Variants in RARB observed in about 807,000 individuals in gnomAD.
The protein encoded by RARB is retinoic acid receptor beta.
A neutral mutation model predicts 51.9 loss-of-function variants in RARB; 17 were observed. The observed-to-expected ratio is 0.33, with a 90% CI of 0.22 to 0.49. The LOEUF (loss-of-function observed/expected upper bound fraction) is 0.49. RARB is among the 20% of genes least tolerant of loss of function. The pLI is 0.99. For missense variants in RARB, 369 were observed against 550.8 expected, an observed-to-expected ratio of 0.67 and a Z score of 3.30; for synonymous variants, 215 against 195.4, an observed-to-expected ratio of 1.10 and a Z score of -0.84.
chr3:24,944,925 G>T (rs1695742233), intron 2 of RARB, among the ~76,000 whole-genome samples: 1 of 152,158 alleles, frequency 6.6e-6, no homozygotes, highest in African/African-American at 2.4e-5. Flanking sequence ...TTAAGGGTTT[G>T]GAGGAGCTTA....
chr3:25,192,814 C>T lies in RARB; in HGVS notation c.178+18239C>T, dbSNP rs911300033. Among the ~76,000 whole-genome samples, 10 of 152,074 alleles carry T rather than the reference C, an allele frequency of 6.6e-5. No individual in the cohort carries two copies. In the South Asian group the frequency reaches 1.0e-3, roughly 16 times the overall value. ...ACAAGCATCTTTAGACATGGTCTTA[C>T]TCATAATTGGGAGCAGGTGACTGGC... On this transcript the variant is annotated intron_variant, in intron 5 of 11. Transcript: ENST00000383772.
intron 2 of RARB, chr3:25,024,877 T>G (rs1264204987): frequency 7.3e-6 from 1 of 137,730 alleles, no homozygotes; most frequent in African/African-American, 2.8e-5. Flanking sequence ...CGCTTGAACC[T>G]GGGAGGCAGA....
chr3:25,385,724 C>T (rs1706774424), intron 5 of RARB, among the ~76,000 whole-genome samples: 1 of 152,162 alleles, frequency 6.6e-6, no homozygotes. Flanking sequence ...TACATACCAG[C>T]CTGCCCTACG....
chr3:25,138,445 G>T, intron 4 of RARB, among the ~76,000 whole-genome samples: 1 of 151,880 alleles, frequency 6.6e-6, no homozygotes, highest in Non-Finnish European at 1.5e-5. Context: ...TTGTACCAAG[G>T]TATATAGAGT....
intron 5 of RARB, among the ~76,000 whole-genome samples, chr3:25,309,051 A>G (rs1210919262): frequency 1.3e-5 from 2 of 150,776 alleles, no homozygotes; most frequent in Non-Finnish European, 2.9e-5. Flanking sequence ...CACTTTGTTG[A>G]TCTGTAGAAA....
intron 2 of RARB, among the ~76,000 whole-genome samples, chr3:24,937,245 A>G (rs1437861547): frequency 1.3e-5 from 2 of 152,106 alleles, no homozygotes; most frequent in African/African-American, 4.8e-5. Flanking sequence ...ACACATCTCC[A>G]TTCTCTGCCA....
intron 2 of RARB, among the ~76,000 whole-genome samples, chr3:25,014,331 A>G (rs909343883): frequency 4.6e-5 from 7 of 152,038 alleles, no homozygotes; most frequent in Non-Finnish European, 1.0e-4. Flanking sequence ...AGAGTCTTGG[A>G]AGCTCCTGAA....
At chr3:24,948,922 G>A (rs1695830686) in intron 2 of RARB, among the ~76,000 whole-genome samples, 1 of 152,126 alleles carries the variant, frequency 6.6e-6, no homozygotes, top group South Asian at 2.1e-4. Context: ...ACAGCCTGTA[G>A]AACCATGACA....
intron 5 of RARB, among the ~76,000 whole-genome samples, chr3:25,240,152 A>T (rs1293192235): frequency 6.6e-6 from 1 of 151,710 alleles, no homozygotes; most frequent in East Asian, 1.9e-4. Context: ...TCATTGGTGT[A>T]TAGAAACGCT....
intron 5 of RARB, among the ~76,000 whole-genome samples, chr3:25,240,339 C>T (rs1325104381): frequency 1.3e-5 from 2 of 152,088 alleles, no homozygotes; most frequent in African/African-American, 4.8e-5. Context: ...TACCTGATTG[C>T]TGTGACTAGG....
At chr3:24,888,860 T>C (rs1703317181) in intron 2 of RARB, among the ~76,000 whole-genome samples, 1 of 152,166 alleles carries the variant, frequency 6.6e-6, no homozygotes, top group Non-Finnish European at 1.5e-5. Flanking sequence ...TGCAAAGAGA[T>C]TTTGCCTCAG....
chr3:25,304,200 C>T (rs945075144), intron 5 of RARB, among the ~76,000 whole-genome samples: 2 of 152,214 alleles, frequency 1.3e-5, no homozygotes, highest in South Asian at 4.1e-4. Flanking sequence ...CTTCCGAATC[C>T]CAGCTGTACT....
At chr3:25,568,714 G>A (rs1393386692) in intron 3 of RARB, among the ~76,000 whole-genome samples, 1 of 152,188 alleles carries the variant, frequency 6.6e-6, no homozygotes, top group African/African-American at 2.4e-5. Context: ...ATTATGCCCT[G>A]GGTCATTTTG....
At chr3:25,466,461 G>A (rs1383914319) in intron 2 of RARB, among the ~76,000 whole-genome samples, 1 of 152,196 alleles carries the variant, frequency 6.6e-6, no homozygotes, top group African/African-American at 2.4e-5. Context: ...CTCCCAAAAT[G>A]CTGGGATTAC....
chr3:25,449,212 C>T (rs1709083957), intron 1 of RARB, among the ~76,000 whole-genome samples: 1 of 152,034 alleles, frequency 6.6e-6, no homozygotes, highest in Admixed American at 6.6e-5. Flanking sequence ...GGACTGCCGC[C>T]AGAGGCCTTT....
At chr3:24,991,320 G>C (rs1472194814) in intron 2 of RARB, among the ~76,000 whole-genome samples, 1 of 152,090 alleles carries the variant, frequency 6.6e-6, no homozygotes. Context: ...GTGCATGCCG[G>C]TAGTCCCAGC....
At chr3:24,900,914 A>G (rs748485741) in intron 2 of RARB, among the ~76,000 whole-genome samples, 3 of 152,232 alleles carry the variant, frequency 2.0e-5, no homozygotes, top group African/African-American at 4.8e-5. Flanking sequence ...ATTCATTTAC[A>G]TAATATGGGA....
chr3:25,123,653 A>C (rs1180936610), intron 3 of RARB, among the ~76,000 whole-genome samples: 1 of 152,204 alleles, frequency 6.6e-6, no homozygotes, highest in East Asian at 1.9e-4. Context: ...CTTCTTGTTT[A>C]AGCTCATCTC....
At chr3:25,460,919 C>A (rs1695147829) in intron 1 of RARB, among the ~76,000 whole-genome samples, 1 of 152,016 alleles carries the variant, frequency 6.6e-6, no homozygotes, top group Non-Finnish European at 1.5e-5. Flanking sequence ...TCTGTTGTGG[C>A]TAAAATTGTG....
Sources: allele counts gnomAD v4.1 joint callset (sites outside exome capture counted in the v4.1 genomes callset), GRCh38; gene constraint gnomAD v4.1.1; transcripts MANE v1.5; gene names NCBI Gene and HGNC (gene_info 2026-07-23, HGNC 2026-07-21).